The following PPP2R5D variants were observed in gnomAD, a reference collection of about 807,000 sequenced individuals.
PPP2R5D encodes the protein protein phosphatase 2 regulatory subunit B'delta.
Under a neutral mutation model 79.1 loss-of-function variants are expected in PPP2R5D, and 12 were observed. The observed-to-expected ratio is 0.15, with a 90% confidence interval of 0.10 to 0.25. The LOEUF (loss-of-function observed/expected upper bound fraction) is 0.25, where lower values mean the gene tolerates loss of function less well. Ranked by LOEUF, PPP2R5D falls within the 10% of genes least tolerant of loss-of-function variation. The pLI is 1.00. For missense variants in PPP2R5D, 419 were observed against 760.2 expected (o/e 0.55, Z 5.28); for synonymous variants, 277 against 286.6 (o/e 0.97, Z 0.34).
At chr6:42,996,594 C>G (rs756404217) in intron 2 of PPP2R5D, among the ~76,000 whole-genome samples, 3 of 152,158 alleles carry the variant, frequency 2.0e-5, no homozygotes, top group East Asian at 3.8e-4. Context: ...CTTCTCTGTT[C>G]TTGCATTTTC....
intron 1 of PPP2R5D, among the ~76,000 whole-genome samples, chr6:42,984,914 C>T (rs1437108395): frequency 4.0e-5 from 6 of 148,680 alleles, no homozygotes; most frequent in Non-Finnish European, 6.0e-5. Context: ...CGGAGAGACT[C>T]CCCCCACATA....
chr6:42,996,679 T>TA (rs1206530003), intron 2 of PPP2R5D, among the ~76,000 whole-genome samples: 3 of 152,186 alleles, frequency 2.0e-5, no homozygotes, highest in Admixed American at 1.3e-4. Flanking sequence ...GGCCATGTCT[T>TA]AGTCACCTTT....
intron 2 of PPP2R5D, among the ~76,000 whole-genome samples, chr6:42,996,945 CATCT>C (rs1246133419): frequency 6.6e-6 from 1 of 152,028 alleles, no homozygotes; most frequent in East Asian, 1.9e-4. Flanking sequence ...TTGTATGTTT[CATCT>C]TTCTCTTATA....
At position 43,006,751 on chromosome 6, in the gene PPP2R5D, T is replaced by G. The variant is rs961406856; in HGVS notation, c.322+72T>G. On this transcript the variant is annotated intron_variant, in intron 3 of 15. Transcript: ENST00000485511. The surrounding 1 kb of genome is among the most constrained non-coding windows in gnomAD (Gnocchi z 4.7). The stretch of plus-strand genomic sequence containing the variant: ...CATCGGGAGTTGGTGGAATGGAAGT[T>G]TTGGGGTATTTTGCGGGGAAGGGAG... 6.4e-5 allele frequency: 102 copies of G among 1,582,884 alleles called. No individual in the cohort carries two copies. Among genetic ancestry groups the G allele is most frequent in the Non-Finnish European group, 8.5e-5 (99 of 1,162,402 alleles).
intron 1 of PPP2R5D, among the ~76,000 whole-genome samples, chr6:42,988,591 T>C (rs1771023149): frequency 6.6e-6 from 1 of 152,220 alleles, no homozygotes; most frequent in Non-Finnish European, 1.5e-5. Flanking sequence ...TTGTTAACTA[T>C]CCCAGTTCCT....
chr6:43,011,283 C>T lies in PPP2R5D; in HGVS notation c.1806C>T (p.Leu602=), dbSNP rs1174773739. 2 of 1,613,896 alleles carry T rather than the reference C, an allele frequency of 1.2e-6. No homozygotes were observed. Among genetic ancestry groups the T allele is most frequent in the African/African-American group, 2.7e-5 (2 of 75,026 alleles). ...TCCTAACTGCCAGCCAGGAGGCTCT[C>T]TGACCCCTCACGTTCCTACCACAGG... ...EEFLTASQEA[L] is the part of the protein sequence containing the mutation. Residue 602 remains leucine (L), a synonymous_variant, in exon 16 of 16, where the codon CTC becomes CTT. Transcript: ENST00000485511.
chr6:42,999,441 G>C (rs1358619172), intron 2 of PPP2R5D, among the ~76,000 whole-genome samples: 1 of 152,192 alleles, frequency 6.6e-6, no homozygotes, highest in Non-Finnish European at 1.5e-5. Flanking sequence ...AGTGGGGTAG[G>C]GGGCAGGGCA....
At position 43,008,847 on chromosome 6, in the gene PPP2R5D, G is replaced by A; in HGVS notation, c.1080+101G>A. On this transcript the variant is annotated intron_variant, in intron 10 of 15. Transcript: ENST00000485511. This position sits in a 1 kb window ranked among gnomAD's most constrained non-coding sequence, Gnocchi z 4.2. ...CCATAAGGGGGAACTCAGGAGGGCT[G>A]TGACCTGACCGGTAACATGGTTTCC... is the stretch of plus-strand genomic sequence containing the variant. The A allele has an allele frequency of 7.2e-7, 1 of 1,383,936 alleles. No individual in the cohort carries two copies. Among genetic ancestry groups the A allele is most frequent in the Non-Finnish European group, 1.0e-6 (1 of 990,070 alleles). The allele number at this position is 1,383,936 out of a possible 1,614,324, so 85.7% of individuals were successfully genotyped here. A position where few individuals can be genotyped will look rare whatever the true frequency, so the allele number is the denominator to read the frequency against.
intron 2 of PPP2R5D, among the ~76,000 whole-genome samples, chr6:42,997,975 C>T (rs1271610278): frequency 7.4e-6 from 1 of 134,756 alleles, no homozygotes; most frequent in Non-Finnish European, 1.5e-5. Flanking sequence ...CCATGCCAGG[C>T]CCCTATCTCT....
Position 43,005,141 on chromosome 6 carries a change from CT to C in PPP2R5D, c.106-1306del, listed in dbSNP as rs762415952. ...TTGTTAAAAGTATTTGTGCACAAAG[CT>C]TTTTTTTTTTTTTTTCTTTTTGCCT... On this transcript the variant is annotated intron_variant, in intron 2 of 15. Coordinates refer to ENST00000485511, the MANE Select transcript of PPP2R5D (RefSeq NM_006245.4). Among the ~76,000 whole-genome samples, 661 of 119,994 alleles carry C rather than the reference CT, an allele frequency of 5.5e-3. 2 individuals carry two copies. Among genetic ancestry groups the C allele is most frequent in the African/African-American group, 0.012 (388 of 32,332 alleles). 78.7% of individuals were successfully genotyped at this position (119,994 alleles called of 152,430 possible). A position where few individuals can be genotyped will look rare whatever the true frequency, so the allele number is the denominator to read the frequency against.
chr6:43,004,488 A>T (rs1761949734), intron 2 of PPP2R5D, among the ~76,000 whole-genome samples: 2 of 151,054 alleles, frequency 1.3e-5, no homozygotes, highest in African/African-American at 4.9e-5. Flanking sequence ...TCCTCATTAG[A>T]TTCCTTTAGA....
Position 43,007,468 on chromosome 6 carries a change from A to G in PPP2R5D, c.688A>G (p.Ile230Val). 1 of 1,613,820 alleles carries G rather than the reference A, an allele frequency of 6.2e-7. No homozygotes were observed. The highest frequency in any genetic ancestry group is 8.5e-7 in the Non-Finnish European group (1 of 1,179,692). The change falls in exon 6 of 16, where the codon ATA becomes GTA. Residue 230 changes from isoleucine (I) to valine (V), a missense_variant. Ile to Val is a conservative substitution (Grantham distance 29). Transcript: ENST00000485511. This position sits in a 1 kb window ranked among gnomAD's most constrained non-coding sequence, Gnocchi z 4.5. ...TGAGTCTCCTGATTTCCAGCCAAAC[A>G]TAGCCAAGAAGTACATCGACCAGAA... is the stretch of plus-strand genomic sequence containing the variant. ...FLESPDFQPNIAKKYIDQKFV... is the reference protein window; with the variant it reads ...FLESPDFQPNVAKKYIDQKFV...
chr6:42,986,947 A>G lies in PPP2R5D; in HGVS notation c.27+2243A>G, dbSNP rs73733780. Among the ~76,000 whole-genome samples, 255 of 151,778 alleles carry G rather than the reference A, an allele frequency of 1.7e-3. 1 individual carries two copies. The highest frequency in any genetic ancestry group is 5.7e-3 in the African/African-American group (234 of 41,140). On this transcript the variant is annotated intron_variant, in intron 1 of 15. Coordinates refer to ENST00000485511, the MANE Select transcript of PPP2R5D (RefSeq NM_006245.4). ...TTTCAGTTGCATTTGGCCTTCTTCA[A>G]TGGTTGGCAGGCTCTAAGGGGCAGG... is the stretch of plus-strand genomic sequence containing the variant.
Position 43,011,423 on chromosome 6 carries a change from C to T in PPP2R5D, c.*137C>T. ...GCTACTCAAGGGAGGGGGATGTGGG[C>T]ACTTGAAGCAGGGACACCCACAGAA... On this transcript the variant is annotated 3_prime_UTR_variant, in exon 16 of 16. Transcript: ENST00000485511. The T allele has an allele frequency of 2.5e-6, 3 of 1,214,894 alleles. No homozygotes were observed. Among genetic ancestry groups the T allele is most frequent in the Non-Finnish European group, 2.3e-6 (2 of 883,190 alleles). The allele number at this position is 1,214,894 out of a possible 1,614,324, so 75.3% of individuals were successfully genotyped here.
chr6:42,989,569 C>T (rs1464084350), intron 1 of PPP2R5D, 42 bp from the exon 2 acceptor site: 6 of 1,508,798 alleles, frequency 4.0e-6, no homozygotes, highest in Non-Finnish European at 5.5e-6. Flanking sequence ...CCTCTCCCTT[C>T]TCCTGGCATC....
chr6:42,997,854 T>C (rs1348684618), intron 2 of PPP2R5D, among the ~76,000 whole-genome samples: 1 of 150,914 alleles, frequency 6.6e-6, no homozygotes, highest in Admixed American at 6.7e-5. Context: ...CCAACTTCTG[T>C]ATTTTTAGTA....
chr6:42,987,741 C>G (rs1770959685), intron 1 of PPP2R5D, among the ~76,000 whole-genome samples: 1 of 152,206 alleles, frequency 6.6e-6, no homozygotes, highest in Admixed American at 6.5e-5. Flanking sequence ...CACACCCACA[C>G]ACTAAGGCAG....
Position 42,984,685 on chromosome 6 carries a change from A to T in PPP2R5D, c.8A>T (p.Tyr3Phe), listed in dbSNP as rs2150245534. ...GGGTCCGGACGGGCCGAGATGCCCTATAAACTGAAAAAGGAGAAGGTGAGC... is the reference window on the plus strand; with the variant it reads ...GGGTCCGGACGGGCCGAGATGCCCTTTAAACTGAAAAAGGAGAAGGTGAGC... MP[Y>F]KLKKEKEPPK... The change falls in exon 1 of 16, where the codon TAT becomes TTT. Residue 3 changes from tyrosine (Y) to phenylalanine (F), a missense_variant. By Grantham distance (22) the Tyr-to-Phe change is conservative. Transcript: ENST00000485511. The T allele has an allele frequency of 4.3e-6, 7 of 1,611,366 alleles. No individual in the cohort carries two copies. Among genetic ancestry groups the T allele is most frequent in the Non-Finnish European group, 5.9e-6 (7 of 1,178,952 alleles).
rs574162813 is a variant in PPP2R5D at position 43,008,142 on chromosome 6, T to C, written c.858-59T>C. ...GGTGGGAGCAGGGAGGTGGGGGGAC[T>C]GTACAGAATGCTGGAGGGACATCAG... is the stretch of plus-strand genomic sequence containing the variant. On this transcript the variant is annotated intron_variant, in intron 7 of 15. Transcript: ENST00000485511. This position sits in a 1 kb window ranked among gnomAD's most constrained non-coding sequence, Gnocchi z 4.2. 139 of 1,613,868 alleles carry C rather than the reference T, an allele frequency of 8.6e-5. 2 individuals are homozygous for C. The South Asian group carries it at 1.2e-3, about 13-fold the overall frequency.
Sources: gnomAD v4.1 joint callset for allele counts (sites outside exome capture counted in the v4.1 genomes callset) on GRCh38, gnomAD v4.1.1 for gene constraint, Gnocchi (gnomAD v3.1) non-coding constraint, MANE v1.5 for transcripts, NCBI Gene and HGNC (gene_info 2026-07-23, HGNC 2026-07-21) for gene names.